Variants in ESR1 observed in about 807,000 individuals in gnomAD.
ESR1 encodes estrogen receptor 1.
A neutral mutation model predicts 52.7 loss-of-function variants in ESR1; 12 were observed. That is an observed-to-expected ratio of 0.23 (90% CI 0.15 to 0.37). The LOEUF is 0.37. ESR1 is among the 10% of genes least tolerant of loss of function. The pLI is 1.00. For missense variants in ESR1, 584 were observed against 779.7 expected (o/e 0.75, Z 2.99); for synonymous variants, 305 against 316.8 (o/e 0.96, Z 0.39).
chr6:151,735,998 A>G lies in ESR1; in HGVS notation c.-71+33993A>G, dbSNP rs568644262. On this transcript the variant is annotated intron_variant, in intron 2 of 2. Transcript: ENST00000404742. ...AAGACATGCCTCTTCCCCTTCTGCC[A>G]TAATTGTAAGTTTCCTGAGGCCACC... Among the ~76,000 whole-genome samples, 7 of 152,278 alleles carry G rather than the reference A, an allele frequency of 4.6e-5. No homozygotes were observed. In the South Asian group the frequency reaches 1.0e-3, roughly 23 times the overall value.
intron 1 of ESR1, among the ~76,000 whole-genome samples, chr6:151,676,136 A>G (rs1025793285): frequency 6.6e-6 from 1 of 152,226 alleles, no homozygotes; most frequent in Non-Finnish European, 1.5e-5. Context: ...CAAAGAGCAA[A>G]GGTGCAGGGG....
At chr6:151,836,570 C>G (rs572006642) in intron 1 of ESR1, among the ~76,000 whole-genome samples, 9 of 152,176 alleles carry the variant, frequency 5.9e-5, no homozygotes, top group Non-Finnish European at 1.3e-4. Context: ...TACAGCCAAA[C>G]CATATCAAGG....
upstream of ESR1, chr6:151,807,482 C>A (rs1267915726): frequency 7.6e-6 from 2 of 264,744 alleles, no homozygotes; most frequent in South Asian, 4.8e-5. Context: ...TGAAACTCAG[C>A]CTCTATCCAG....
chr6:151,739,537 C>T (rs1782923286), intron 2 of ESR1, among the ~76,000 whole-genome samples: 1 of 152,210 alleles, frequency 6.6e-6, no homozygotes, highest in Non-Finnish European at 1.5e-5. Context: ...CCAGCAGAGC[C>T]ATGACTATAA....
At chr6:152,073,981 T>G (rs1255779082) in intron 6 of ESR1, among the ~76,000 whole-genome samples, 1 of 152,182 alleles carries the variant, frequency 6.6e-6, no homozygotes, top group Non-Finnish European at 1.5e-5. Flanking sequence ...CAGATTTAGA[T>G]TTGCAGCAAA....
intron 7 of ESR1, among the ~76,000 whole-genome samples, chr6:152,097,253 T>G (rs980121204): frequency 6.6e-6 from 1 of 152,154 alleles, no homozygotes; most frequent in Non-Finnish European, 1.5e-5. Flanking sequence ...AGAAGTCTAT[T>G]TTGTTAAGTA....
At chr6:151,810,457 A>C (rs1778633897) in intron 1 of ESR1, among the ~76,000 whole-genome samples, 1 of 152,196 alleles carries the variant, frequency 6.6e-6, no homozygotes. Context: ...GATATTATTT[A>C]GTATTTTTCC....
chr6:152,048,578 G>A (rs918939329), intron 5 of ESR1, among the ~76,000 whole-genome samples: 12 of 152,106 alleles, frequency 7.9e-5, no homozygotes, highest in Non-Finnish European at 1.2e-4. Context: ...TACCCTGCAG[G>A]AAGGCAAAAC....
chr6:152,125,337 C>T, exon 7 of ESR1: 1 of 1,550,314 alleles, frequency 6.5e-7, no homozygotes, highest in African/African-American at 1.4e-5. Context: ...CAAGTGGTTT[C>T]CTCGTGTCTA....
rs1448392176 is a variant in ESR1 at position 152,102,648 on chromosome 6, C to T, written c.*3682C>T. ...TCTGTTTCCAACTGCATTTCCTTTC[C>T]AATTGAATTAAAGTGTGGCCTCGTT... is the stretch of plus-strand genomic sequence containing the variant. On this transcript the variant is annotated 3_prime_UTR_variant, in exon 8 of 8. Transcript: ENST00000206249. The T allele has an allele frequency of 1.4e-5, 3 of 220,592 alleles. No individual in the cohort carries two copies. The highest frequency in any genetic ancestry group is 6.6e-5 in the East Asian group (1 of 15,046). The allele number at this position is 220,592 out of a possible 1,614,324, so 13.7% of individuals were successfully genotyped here. A position where few individuals can be genotyped will look rare whatever the true frequency, so the allele number is the denominator to read the frequency against.
intron 2 of ESR1, among the ~76,000 whole-genome samples, chr6:151,730,721 A>C (rs915886798): frequency 6.6e-5 from 10 of 152,204 alleles, no homozygotes; most frequent in African/African-American, 2.4e-4. Flanking sequence ...ATCACTAGGA[A>C]CTAGACTGCT....
intron 6 of ESR1, among the ~76,000 whole-genome samples, chr6:152,084,508 G>A (rs2049527442): frequency 6.6e-6 from 1 of 152,070 alleles, no homozygotes; most frequent in Non-Finnish European, 1.5e-5. Context: ...ATGTGGAACT[G>A]TAAGTCCAGT....
intron 2 of ESR1, among the ~76,000 whole-genome samples, chr6:151,723,588 G>A (rs1189837906): frequency 2.0e-5 from 3 of 152,184 alleles, no homozygotes; most frequent in Non-Finnish European, 4.4e-5. Context: ...AGCGCTTGTG[G>A]CCGGATACAG....
At chr6:151,985,002 A>G (rs1165715633) in intron 4 of ESR1, among the ~76,000 whole-genome samples, 1 of 152,114 alleles carries the variant, frequency 6.6e-6, no homozygotes, top group Non-Finnish European at 1.5e-5. Flanking sequence ...ATAGCAGAGA[A>G]TAATTCCCGT....
chr6:151,714,061 A>C (rs1258622400), intron 2 of ESR1, among the ~76,000 whole-genome samples: 1 of 152,116 alleles, frequency 6.6e-6, no homozygotes, highest in Non-Finnish European at 1.5e-5. Context: ...ATTGGTTTCA[A>C]AGAACTTATT....
chr6:151,723,375 G>A (rs1284638478), intron 2 of ESR1, among the ~76,000 whole-genome samples: 1 of 152,166 alleles, frequency 6.6e-6, no homozygotes, highest in Admixed American at 6.5e-5. Context: ...CTCCTGCGTG[G>A]GTGATACAAG....
chr6:151,796,755 G>A (rs1776752305), intron 2 of ESR1, among the ~76,000 whole-genome samples: 2 of 152,292 alleles, frequency 1.3e-5, no homozygotes, highest in Non-Finnish European at 2.9e-5. Flanking sequence ...CACTAGAAAG[G>A]ATGTTTAATA....
intron 5 of ESR1, among the ~76,000 whole-genome samples, chr6:152,022,279 C>T (rs890832835): frequency 1.3e-5 from 2 of 151,964 alleles, no homozygotes; most frequent in East Asian, 1.9e-4. Context: ...GCGGTATTGG[C>T]GACTGAAAGG....
chr6:151,689,143 G>T (rs1387749783), upstream of ESR1, among the ~76,000 whole-genome samples: 1 of 152,084 alleles, frequency 6.6e-6, no homozygotes, highest in African/African-American at 2.4e-5. Flanking sequence ...GTGTAAAACT[G>T]GTTTTAACAG....
Sources: allele counts gnomAD v4.1 joint callset (sites outside exome capture counted in the v4.1 genomes callset), GRCh38; gene constraint gnomAD v4.1.1; transcripts MANE v1.5; gene names NCBI Gene and HGNC (gene_info 2026-07-23, HGNC 2026-07-21).